The following ZNF343 variants were observed in gnomAD, a reference collection of about 807,000 sequenced individuals.
ZNF343 encodes the protein zinc finger protein 343.
Under a neutral mutation model 13.8 loss-of-function variants are expected in ZNF343, and 11 were observed. The ratio of observed to expected loss-of-function variants is 0.80; its 90% CI spans 0.50 to 1.32. ZNF343 has a LOEUF of 1.32. ZNF343 is among the 40% of genes most tolerant of loss of function. The pLI is 0.00. For synonymous variants in ZNF343, 248 were observed against 260.0 expected (o/e 0.95, Z 0.44); for missense variants, 658 against 714.2 (o/e 0.92, Z 0.90).
At chr20:2,504,705 T>C (rs1057262115) in intron 1 of ZNF343, among the ~76,000 whole-genome samples, 4 of 152,160 alleles carry the variant, frequency 2.6e-5, no homozygotes, top group African/African-American at 7.2e-5. Flanking sequence ...AAAAACCATA[T>C]GATTATCTCA....
At chr20:2,515,080 AAG>A (rs1332227747) in intron 1 of ZNF343, among the ~76,000 whole-genome samples, 2 of 151,882 alleles carry the variant, frequency 1.3e-5, no homozygotes, top group African/African-American at 2.4e-5. Flanking sequence ...AAGAAGAAGA[AAG>A]AGAAGAAGAA....
upstream of ZNF343, among the ~76,000 whole-genome samples, chr20:2,511,829 C>T (rs1180063712): frequency 6.6e-6 from 1 of 152,178 alleles, no homozygotes; most frequent in African/African-American, 2.4e-5. Flanking sequence ...ATGGTGAAAA[C>T]TGAAAACTCT....
chr20:2,485,697 G>A (rs1344207886), intron 5 of ZNF343, among the ~76,000 whole-genome samples: 5 of 152,166 alleles, frequency 3.3e-5, no homozygotes, highest in Non-Finnish European at 7.4e-5. Flanking sequence ...AATGATTTGT[G>A]CCATTTGATT....
At chr20:2,506,078 G>A (rs2122717150) in intron 1 of ZNF343, among the ~76,000 whole-genome samples, 1 of 152,186 alleles carries the variant, frequency 6.6e-6, no homozygotes, top group East Asian at 1.9e-4. Context: ...AATCTACAAT[G>A]AACTCCAACA....
rs145012591 is a variant in ZNF343 at position 2,505,478 on chromosome 20, C to T, written c.-237+3403G>A. 7.9e-5 allele frequency among the ~76,000 whole-genome samples: 12 copies of T among 151,776 alleles called. No homozygotes were observed. In the East Asian group the frequency reaches 1.4e-3, roughly 17 times the overall value. ...AAGTTCATATGGAACCAAAAAACAG[C>T]CCTAAGTCAATCCTAAGCAAAAAGA... On this transcript the variant is annotated intron_variant, in intron 1 of 5. Transcript: ENST00000278772.
chr20:2,508,639 C>T lies in ZNF343; in HGVS notation c.-237+242G>A, dbSNP rs2085707633. On this transcript the variant is annotated intron_variant, in intron 1 of 5. Coordinates refer to ENST00000278772, the MANE Select transcript of ZNF343 (RefSeq NM_024325.6). This position sits in a 1 kb window ranked among gnomAD's most constrained non-coding sequence, Gnocchi z 4.5. Reference sequence around the variant, plus strand: ...AGGCATTAGAGTTCTAGGTCACTCTCGTCCCCCCGGGGGGAAAAAAGGTCC... The same window carrying T: ...AGGCATTAGAGTTCTAGGTCACTCTTGTCCCCCCGGGGGGAAAAAAGGTCC... Among the ~76,000 whole-genome samples the T allele has an allele frequency of 6.6e-6, 1 of 152,190 alleles. No individual in the cohort carries two copies. The highest frequency in any genetic ancestry group is 2.4e-5 in the African/African-American group (1 of 41,458).
chr20:2,520,897 G>A (rs1232629376), intron 1 of ZNF343, among the ~76,000 whole-genome samples: 4 of 152,238 alleles, frequency 2.6e-5, no homozygotes, highest in Non-Finnish European at 4.4e-5. Context: ...CTTCTGGAGG[G>A]AGAGGTGGGG....
upstream of ZNF343, among the ~76,000 whole-genome samples, chr20:2,512,897 G>GAAC (rs1435165971): frequency 7.0e-6 from 1 of 143,210 alleles, no homozygotes; most frequent in East Asian, 2.0e-4. Context: ...ACCAGACTAG[G>GAAC]CAACATAGAC....
rs1166451659 is a variant in ZNF343, at chr20:2,518,036, CAG to C, written c.-347+6417_-347+6418del. Among the ~76,000 whole-genome samples, 6 of 147,478 alleles carry C rather than the reference CAG, an allele frequency of 4.1e-5. No homozygotes were observed. Among genetic ancestry groups the C allele is most frequent in the African/African-American group, 7.5e-5 (3 of 39,762 alleles). ...TTTTCTCTCTTTTTTTTTTTCGAGA[CAG>C]AGTCTCACTCTGTTACCCAGGCTGG... On this transcript the variant is annotated intron_variant, in intron 1 of 6. Coordinates refer to the ZNF343 transcript ENST00000358413. The surrounding 1 kb of genome is among the most constrained non-coding windows in gnomAD (Gnocchi z 4.6).
chr20:2,487,265 T>C (rs77082875), intron 5 of ZNF343, among the ~76,000 whole-genome samples: 2,341 of 152,332 alleles, frequency 0.015, 68 homozygotes, highest in African/African-American at 0.053. Context: ...AACACTAACA[T>C]GCTCCAAAAG....
At chr20:2,491,535 TAC>T (rs1330877153) in intron 5 of ZNF343, among the ~76,000 whole-genome samples, 1 of 152,208 alleles carries the variant, frequency 6.6e-6, no homozygotes, top group Non-Finnish European at 1.5e-5. Flanking sequence ...TTGTATCACC[TAC>T]AAGCTAAGAA....
Position 2,483,376 on chromosome 20 carries a change from C to A in ZNF343, c.1585G>T (p.Gly529Cys). 6.2e-7 allele frequency: 1 copy of A among 1,612,106 alleles called. No individual in the cohort carries two copies. Among genetic ancestry groups the A allele is most frequent in the Non-Finnish European group, 8.5e-7 (1 of 1,179,662 alleles). ...KPYICRECGR[G>C]FCDKSTLIVH... The stretch of plus-strand genomic sequence containing the variant: ...ATGAGGGTTGACTTGTCACAAAAGC[C>A]TCGCCCACATTCCCTGCAAATATAA... The change falls in exon 6 of 6, where the codon GGC (glycine) becomes TGC (cysteine). Residue 529 changes from glycine to cysteine, a missense_variant. Gly to Cys is a radical substitution (Grantham distance 159). Coordinates refer to ENST00000278772, the MANE Select transcript of ZNF343 (RefSeq NM_024325.6).
chr20:2,507,295 C>T (rs1487659756), intron 1 of ZNF343, among the ~76,000 whole-genome samples: 3 of 151,384 alleles, frequency 2.0e-5, no homozygotes, highest in Non-Finnish European at 4.4e-5. Flanking sequence ...GAGCAGGCCT[C>T]CTTTTCCTTT....
At chr20:2,492,577 A>G in intron 5 of ZNF343, 122 bp downstream of exon 5, 3 of 1,179,570 alleles carry the variant, frequency 2.5e-6, no homozygotes, top group Non-Finnish European at 3.6e-6. Context: ...CCATGGAGGC[A>G]GGGATTACGA....
intron 5 of ZNF343, chr20:2,486,838 C>T (rs1185826733): frequency 6.6e-6 from 1 of 151,242 alleles, no homozygotes; most frequent in Non-Finnish European, 1.5e-5. Flanking sequence ...CACAAATATA[C>T]AAAATATAGT....
At chr20:2,524,083 G>T (rs1338497498) in intron 1 of ZNF343, among the ~76,000 whole-genome samples, 1 of 152,086 alleles carries the variant, frequency 6.6e-6, no homozygotes, top group Admixed American at 6.6e-5. Flanking sequence ...ACTTTGGGAG[G>T]CCTAGGCAGG....
chr20:2,490,404 G>C (rs919925647), intron 5 of ZNF343, among the ~76,000 whole-genome samples: 2 of 152,128 alleles, frequency 1.3e-5, no homozygotes, highest in Admixed American at 6.6e-5. Flanking sequence ...ATGGTGTCAA[G>C]CAAGACAAAG....
chr20:2,506,143 C>T (rs1442819945), intron 1 of ZNF343, among the ~76,000 whole-genome samples: 2 of 152,164 alleles, frequency 1.3e-5, no homozygotes, highest in Non-Finnish European at 2.9e-5. Flanking sequence ...AGGATATGAA[C>T]AGACACTTCT....
rs1395863118 is a variant in ZNF343 at position 2,484,048 on chromosome 20, C to T, written c.913G>A (p.Gly305Ser). 1.9e-6 allele frequency: 3 copies of T among 1,614,004 alleles called. No individual in the cohort carries two copies. Among genetic ancestry groups the T allele is most frequent in the African/African-American group, 2.7e-5 (2 of 74,914 alleles). Reference protein sequence around the residue: ...KPYVCSECGRGFSQKSNLSRH... With the variant: ...KPYVCSECGRSFSQKSNLSRH... Reference sequence around the variant, plus strand: ...CTGAGGTTGGACTTCTGGCTAAAACCTCGCCCGCACTCACTGCACACATAA... The same window carrying T: ...CTGAGGTTGGACTTCTGGCTAAAACTTCGCCCGCACTCACTGCACACATAA... The change falls in exon 6 of 6, where the codon GGT (glycine) becomes AGT (serine). Residue 305 changes from glycine (G) to serine (S), a missense_variant. Gly to Ser is a moderately conservative substitution (Grantham distance 56). Coordinates refer to ENST00000278772, the MANE Select transcript of ZNF343 (RefSeq NM_024325.6).
Sources: gnomAD v4.1 joint callset for allele counts (sites outside exome capture counted in the v4.1 genomes callset) on GRCh38, gnomAD v4.1.1 for gene constraint, Gnocchi (gnomAD v3.1) non-coding constraint, MANE v1.5 for transcripts, NCBI Gene and HGNC (gene_info 2026-07-23, HGNC 2026-07-21) for gene names.